PLXNA2: variants seen among roughly 807,000 people sequenced by gnomAD.
PLXNA2 encodes plexin A2.
Under a neutral mutation model 193.5 loss-of-function variants are expected in PLXNA2, and 91 were observed. That is an observed-to-expected ratio of 0.47 (90% confidence interval 0.40 to 0.56). PLXNA2 has a LOEUF of 0.56. Ranked by LOEUF, PLXNA2 falls within the 20% of genes least tolerant of loss-of-function variation. PLXNA2 has a pLI of 0.00. For missense variants in PLXNA2, 1,995 were observed against 2,503.2 expected (o/e 0.80, Z 4.33); for synonymous variants, 997 against 1,027.3 (o/e 0.97, Z 0.56).
rs41283124 is a variant in PLXNA2, at chr1:208,082,395, C to A, written c.2395+17G>T. ...GTCGTGAAAAGATCAAACTTCTACC[C>A]GGAAGTAGCCGCTTACCTTTCAGGT... On this transcript the variant is annotated intron_variant, in intron 11 of 31. Transcript: ENST00000367033. The surrounding 1 kb of genome is among the most constrained non-coding windows in gnomAD (Gnocchi z 4.2). The A allele has an allele frequency of 1.2e-6, 2 of 1,606,814 alleles. No homozygotes were observed. Among genetic ancestry groups the A allele is most frequent in the South Asian group, 2.2e-5 (2 of 90,672 alleles).
At chr1:208,066,978 A>T (rs772255626) in intron 12 of PLXNA2, among the ~76,000 whole-genome samples, 2 of 152,258 alleles carry the variant, frequency 1.3e-5, no homozygotes, top group African/African-American at 2.4e-5. Flanking sequence ...ACAGCTGTAC[A>T]ATGTATGTGT....
chr1:208,089,361 T>G (rs1263580920), intron 9 of PLXNA2, among the ~76,000 whole-genome samples: 1 of 152,196 alleles, frequency 6.6e-6, no homozygotes, highest in Non-Finnish European at 1.5e-5. Flanking sequence ...TGGGCCCTGA[T>G]TTTCTGTAGA....
intron 3 of PLXNA2, among the ~76,000 whole-genome samples, chr1:208,145,378 C>A (rs776513460): frequency 5.3e-5 from 8 of 152,186 alleles, no homozygotes; most frequent in Non-Finnish European, 1.2e-4. Flanking sequence ...GAGCCAGGCC[C>A]CTCCCTCAAG....
At chr1:208,173,280 A>G (rs1669551100) in intron 3 of PLXNA2, among the ~76,000 whole-genome samples, 1 of 152,240 alleles carries the variant, frequency 6.6e-6, no homozygotes, top group Non-Finnish European at 1.5e-5. Flanking sequence ...CTTTACTGCC[A>G]TATCGAGGAT....
chr1:208,186,708 A>ATTTTGTTTTTTGTTTTTTTTTTT (rs368056918), intron 3 of PLXNA2, among the ~76,000 whole-genome samples: 1 of 111,740 alleles, frequency 8.9e-6, no homozygotes, highest in Non-Finnish European at 2.0e-5. Context: ...TTGCAATGTT[A>ATTTTGTTTTTTGTTTTTTTTTTT]TTTTATTTTT....
At chr1:208,168,659 C>G (rs756980064) in intron 3 of PLXNA2, among the ~76,000 whole-genome samples, 1 of 149,696 alleles carries the variant, frequency 6.7e-6, no homozygotes, top group Non-Finnish European at 1.5e-5. Flanking sequence ...TTCAGCAGGC[C>G]CTCAGAGACT....
intron 3 of PLXNA2, 49 bp from the exon 4 acceptor site, chr1:208,142,512 T>C: frequency 6.6e-7 from 1 of 1,522,784 alleles, no homozygotes; most frequent in Non-Finnish European, 8.8e-7. Context: ...AGTATTCCCC[T>C]GTGGGCTACC....
intron 1 of PLXNA2, among the ~76,000 whole-genome samples, chr1:208,240,352 A>T (rs1484406804): frequency 6.6e-6 from 1 of 152,204 alleles, no homozygotes; most frequent in African/African-American, 2.4e-5. Flanking sequence ...CCTTGAGACC[A>T]GCTGTTTGAC....
At chr1:208,165,236 T>C (rs1669263177) in intron 3 of PLXNA2, among the ~76,000 whole-genome samples, 1 of 152,052 alleles carries the variant, frequency 6.6e-6, no homozygotes. Context: ...ATTCATCTTA[T>C]AGCTTATGTT....
rs140676022 is a variant in PLXNA2 at position 208,042,240 on chromosome 1, C to T, written c.4144G>A (p.Asp1382Asn). 25 of 1,614,100 alleles carry T rather than the reference C, an allele frequency of 1.5e-5. No individual in the cohort carries two copies. Among genetic ancestry groups the T allele is most frequent in the African/African-American group, 2.7e-5 (2 of 74,940 alleles). The change falls in exon 22 of 32, where the codon GAC (aspartate) becomes AAC (asparagine). Residue 1382 changes from aspartate (D) to asparagine (N), a missense_variant. By Grantham distance (23) the Asp-to-Asn change is conservative. Coordinates refer to ENST00000367033, the MANE Select transcript of PLXNA2 (RefSeq NM_025179.4). The stretch of plus-strand genomic sequence containing the variant: ...ATGAGCGAAGCCACGTTGCCCCGGT[C>T]GCGCATGGAGAAACTGCGCTGCAGC... The part of the protein sequence containing the change: ...LELQRSFSMR[D>N]RGNVASLIMT...
In PLXNA2 at chr1:208,075,320, A is replaced by T. The variant is rs1017593572; in HGVS notation, c.2586+3940T>A. 5.3e-5 allele frequency among the ~76,000 whole-genome samples: 8 copies of T among 151,302 alleles called. No homozygotes were observed. The South Asian group carries it at 6.3e-4, about 12-fold the overall frequency. ...GTGAGACTCTGTCTCAAAAAAAAAAAAATAATAAGAAAAGAAAATCTCCTT... is the reference window on the plus strand; with the variant it reads ...GTGAGACTCTGTCTCAAAAAAAAAATAATAATAAGAAAAGAAAATCTCCTT... On this transcript the variant is annotated intron_variant, in intron 12 of 31. Transcript: ENST00000367033.
chr1:208,141,568 A>G (rs143423206), intron 4 of PLXNA2, among the ~76,000 whole-genome samples: 13 of 152,250 alleles, frequency 8.5e-5, no homozygotes, highest in Admixed American at 5.9e-4. Context: ...CTGCTGAACA[A>G]CTATTAACCC....
chr1:208,136,176 C>T (rs956554091), intron 4 of PLXNA2, among the ~76,000 whole-genome samples: 2 of 152,204 alleles, frequency 1.3e-5, no homozygotes, highest in Admixed American at 6.5e-5. Context: ...TTTGTGTCAT[C>T]CTAGCAGAGG....
rs143484085 is a variant in PLXNA2, at chr1:208,203,222, C to T, written c.1371+7058G>A. On this transcript the variant is annotated intron_variant, in intron 3 of 31. Coordinates refer to ENST00000367033, the MANE Select transcript of PLXNA2 (RefSeq NM_025179.4). ...GCCTATAGAACAACAAAACAAACAGCGAGCTTGGCGGCGGGAGCCCGGGCA... is the reference window on the plus strand; with the variant it reads ...GCCTATAGAACAACAAAACAAACAGTGAGCTTGGCGGCGGGAGCCCGGGCA... 8.7e-3 allele frequency among the ~76,000 whole-genome samples: 1,322 copies of T among 152,312 alleles called. 7 individuals are homozygous for T. Among genetic ancestry groups the T allele is most frequent in the Non-Finnish European group, 0.014 (975 of 68,026 alleles).
At chr1:208,158,089 A>G (rs1413081506) in intron 3 of PLXNA2, among the ~76,000 whole-genome samples, 1 of 152,194 alleles carries the variant, frequency 6.6e-6, no homozygotes, top group East Asian at 1.9e-4. Context: ...GGAAGGTAGG[A>G]AGGAGGGAGG....
chr1:208,027,467 T>C (rs1664376861), intron 31 of PLXNA2, 129 bp from the exon 32 acceptor site: 4 of 629,390 alleles, frequency 6.4e-6, no homozygotes, highest in East Asian at 2.9e-5. Flanking sequence ...CCTTAAATAA[T>C]TTAAATGATT....
At chr1:208,131,115 C>A (rs1668135611) in intron 4 of PLXNA2, among the ~76,000 whole-genome samples, 1 of 152,178 alleles carries the variant, frequency 6.6e-6, no homozygotes, top group Non-Finnish European at 1.5e-5. Flanking sequence ...TCAGGGGCAC[C>A]CAGAGCCCTG....
chr1:208,210,518 C>T, intron 2 of PLXNA2, 56 bp from the exon 3 acceptor site: 1 of 1,469,076 alleles, frequency 6.8e-7, no homozygotes, highest in South Asian at 1.3e-5. Context: ...GGTGAAGTCT[C>T]TACACGACCC....
intron 1 of PLXNA2, among the ~76,000 whole-genome samples, chr1:208,228,723 A>C (rs970105301): frequency 6.6e-6 from 1 of 152,066 alleles, no homozygotes; most frequent in Non-Finnish European, 1.5e-5. Context: ...CACCTCTCCC[A>C]GAGTGACTCC....
Sources: gnomAD v4.1 joint callset for allele counts (sites outside exome capture counted in the v4.1 genomes callset) on GRCh38, gnomAD v4.1.1 for gene constraint, Gnocchi (gnomAD v3.1) non-coding constraint, MANE v1.5 for transcripts, NCBI Gene and HGNC (gene_info 2026-07-23, HGNC 2026-07-21) for gene names.